The following EXOC5 variants were observed in gnomAD, a reference collection of about 807,000 sequenced individuals.
EXOC5 encodes SEC10-like 1.
Under a neutral mutation model 90.8 loss-of-function variants are expected in EXOC5, and 17 were observed. That is an observed-to-expected ratio of 0.19 (90% confidence interval 0.13 to 0.28). The LOEUF is 0.28. EXOC5 is among the 10% of genes least tolerant of loss of function. The probability of loss-of-function intolerance (pLI) is 1.00; values close to 1 mark genes in which losing one functional copy is unlikely to be tolerated. For synonymous variants in EXOC5, 260 were observed against 270.0 expected (o/e 0.96, Z 0.36); for missense variants, 569 against 830.6 (o/e 0.69, Z 3.87).
At chr14:57,245,676 GCAAT>G (rs1478016455) in intron 3 of EXOC5, among the ~76,000 whole-genome samples, 3 of 152,226 alleles carry the variant, frequency 2.0e-5, no homozygotes, top group South Asian at 4.1e-4. Flanking sequence ...AACTTTAGCA[GCAAT>G]CAGTTTGCTA....
At chr14:57,225,297 A>G (rs990375978) in intron 12 of EXOC5, among the ~76,000 whole-genome samples, 1 of 152,200 alleles carries the variant, frequency 6.6e-6, no homozygotes, top group Non-Finnish European at 1.5e-5. Flanking sequence ...AATCCTCATA[A>G]AACCACTCAG....
intron 2 of EXOC5, 43 bp from the exon 3 acceptor site, chr14:57,246,901 T>A: frequency 8.2e-7 from 1 of 1,213,736 alleles, no homozygotes; most frequent in East Asian, 2.4e-5. Context: ...TACCTATTAT[T>A]AATCCTTAGG....
chr14:57,238,223 T>TAC lies in EXOC5; in HGVS notation c.531-859_531-858dup, dbSNP rs61373267. Among the ~76,000 whole-genome samples the TAC allele has an allele frequency of 8.1e-3, 1,019 of 125,108 alleles. 13 individuals carry two copies. Among genetic ancestry groups the TAC allele is most frequent in the African/African-American group, 0.019 (605 of 32,694 alleles). 82.1% of individuals were successfully genotyped at this position (125,108 alleles called of 152,430 possible). On this transcript the variant is annotated intron_variant, in intron 5 of 17. Transcript: ENST00000621441. ...ATATATATTCAACTCCACATATATA[T>TAC]ACACACACACACACACACACACACA...
intron 1 of EXOC5, among the ~76,000 whole-genome samples, chr14:57,267,594 CA>C (rs1594691596): frequency 6.6e-6 from 1 of 151,912 alleles, no homozygotes; most frequent in African/African-American, 2.4e-5. Context: ...AGCACACACA[CA>C]AAAAAGGGGT....
intron 1 of EXOC5, among the ~76,000 whole-genome samples, chr14:57,264,314 A>G (rs536489088): frequency 6.6e-6 from 1 of 152,214 alleles, no homozygotes; most frequent in Non-Finnish European, 1.5e-5. Flanking sequence ...CTAATTGAAC[A>G]AGAGACATCA....
intron 1 of EXOC5, among the ~76,000 whole-genome samples, chr14:57,260,063 G>A (rs1164473561): frequency 2.0e-5 from 3 of 152,134 alleles, no homozygotes; most frequent in Admixed American, 2.0e-4. Context: ...CCAAATATGA[G>A]CCTAATACAA....
At chr14:57,239,453 A>T (rs45509694) in intron 5 of EXOC5, 142 bp downstream of exon 5, 12,074 of 599,804 alleles carry the variant, frequency 0.02, 180 homozygotes, top group Non-Finnish European at 0.026. Flanking sequence ...CAAAGTGAAT[A>T]AACTAGCAAG....
intron 1 of EXOC5, among the ~76,000 whole-genome samples, chr14:57,257,354 A>T (rs1477210436): frequency 6.6e-6 from 1 of 152,208 alleles, no homozygotes; most frequent in Non-Finnish European, 1.5e-5. Flanking sequence ...TAAGAGAAAT[A>T]TAGAGCACAT....
chr14:57,214,810 A>C (rs1240674949), intron 15 of EXOC5, among the ~76,000 whole-genome samples: 1 of 152,192 alleles, frequency 6.6e-6, no homozygotes, highest in Non-Finnish European at 1.5e-5. Flanking sequence ...ACAATAACTA[A>C]AGAAATAAAG....
chr14:57,242,101 C>A (rs1883882533), intron 4 of EXOC5, among the ~76,000 whole-genome samples: 1 of 148,202 alleles, frequency 6.7e-6, no homozygotes, highest in South Asian at 2.2e-4. Flanking sequence ...CCACTGCACT[C>A]CAGCCTGGGG....
rs1361934391 is a variant in EXOC5, at chr14:57,255,141, A to G, written c.28-7429T>C. On this transcript the variant is annotated intron_variant, in intron 1 of 17. Transcript: ENST00000621441. ...GAACAAAGCAGACACAGTACAGACA[A>G]CATGGCCCCAACTGCAAGGGGTCCT... Among the ~76,000 whole-genome samples the G allele has an allele frequency of 2.0e-5, 3 of 152,248 alleles. No homozygotes were observed. In the East Asian group the frequency reaches 5.8e-4, roughly 29 times the overall value.
At chr14:57,230,304 T>C (rs1327864001) in intron 11 of EXOC5, among the ~76,000 whole-genome samples, 1 of 152,154 alleles carries the variant, frequency 6.6e-6, no homozygotes, top group Non-Finnish European at 1.5e-5. Flanking sequence ...TTAAAGAAGA[T>C]ATATTAAACA....
intron 1 of EXOC5, among the ~76,000 whole-genome samples, chr14:57,256,503 AT>A (rs1884353385): frequency 6.6e-6 from 1 of 152,078 alleles, no homozygotes; most frequent in Admixed American, 6.6e-5. Flanking sequence ...TCTTCTTCTA[AT>A]TTTCCTCCAG....
chr14:57,234,443 C>A (rs1342244128), intron 7 of EXOC5, among the ~76,000 whole-genome samples: 2 of 146,372 alleles, frequency 1.4e-5, no homozygotes, highest in East Asian at 2.0e-4. Context: ...AAAGGTTTTA[C>A]ATATATATAT....
At chr14:57,220,560 G>A (rs2139619886) in intron 13 of EXOC5, among the ~76,000 whole-genome samples, 1 of 152,184 alleles carries the variant, frequency 6.6e-6, no homozygotes, top group East Asian at 1.9e-4. Flanking sequence ...AAATTCTTGG[G>A]AGGCTGAGGA....
intron 13 of EXOC5, 102 bp from the exon 14 acceptor site, chr14:57,219,544 A>G (rs1425011549): frequency 1.1e-5 from 9 of 851,218 alleles, no homozygotes; most frequent in Non-Finnish European, 1.6e-5. Context: ...CATAAAATAA[A>G]TGACACCGCT....
At chr14:57,234,525 G>A (rs977048509) in intron 7 of EXOC5, among the ~76,000 whole-genome samples, 5 of 147,294 alleles carry the variant, frequency 3.4e-5, no homozygotes, top group Non-Finnish European at 7.4e-5. Context: ...GTGTGTGTGT[G>A]TGTGTGTGTG....
chr14:57,263,898 G>T (rs1884592903), intron 1 of EXOC5, among the ~76,000 whole-genome samples: 1 of 152,012 alleles, frequency 6.6e-6, no homozygotes, highest in Non-Finnish European at 1.5e-5. Context: ...GAGCCATCTT[G>T]TGTCTCTGCC....
At chr14:57,262,680 ACATT>A (rs1884545621) in intron 1 of EXOC5, among the ~76,000 whole-genome samples, 1 of 139,924 alleles carries the variant, frequency 7.1e-6, no homozygotes, top group Admixed American at 7.1e-5. Flanking sequence ...GTATATATAT[ACATT>A]AAGTATATAT....
Sources: allele counts gnomAD v4.1 joint callset (sites outside exome capture counted in the v4.1 genomes callset), GRCh38; gene constraint gnomAD v4.1.1; transcripts MANE v1.5; gene names NCBI Gene and HGNC (gene_info 2026-07-23, HGNC 2026-07-21).